Variants in SORCS2 observed in about 807,000 individuals in gnomAD.
The protein encoded by SORCS2 is VPS10 domain-containing receptor SorCS2.
A neutral mutation model predicts 141.6 loss-of-function variants in SORCS2; 100 were observed. The ratio of observed to expected loss-of-function variants is 0.71; its 90% CI spans 0.60 to 0.83. The LOEUF (loss-of-function observed/expected upper bound fraction) is 0.83, where lower values mean the gene tolerates loss of function less well. SORCS2 is among the 40% of genes least tolerant of loss of function. SORCS2 has a pLI of 0.00. For synonymous variants in SORCS2, 789 were observed against 676.9 expected (o/e 1.17, Z -2.57); for missense variants, 1,646 against 1,560.2 (o/e 1.05, Z -0.93).
chr4:7,197,404 G>T (rs904741713), intron 1 of SORCS2, among the ~76,000 whole-genome samples: 9 of 152,186 alleles, frequency 5.9e-5, no homozygotes, highest in Non-Finnish European at 1.3e-4. Flanking sequence ...CCTGAGTTTA[G>T]AAGTGGATCT....
intron 3 of SORCS2, among the ~76,000 whole-genome samples, chr4:7,555,319 G>A (rs941774441): frequency 6.6e-6 from 1 of 152,250 alleles, no homozygotes; most frequent in African/African-American, 2.4e-5. Flanking sequence ...AAAGCAGGCA[G>A]CATCCTGAGG....
At chr4:7,412,996 C>A (rs1329626029) in intron 2 of SORCS2, among the ~76,000 whole-genome samples, 4 of 152,266 alleles carry the variant, frequency 2.6e-5, no homozygotes, top group African/African-American at 9.6e-5. Context: ...GAATCCACAT[C>A]CACGAGGCAT....
intron 3 of SORCS2, among the ~76,000 whole-genome samples, chr4:7,585,780 G>A (rs187497576): frequency 3.3e-5 from 5 of 152,316 alleles, no homozygotes; most frequent in South Asian, 4.1e-4. Flanking sequence ...GGACGCATGT[G>A]GGGGAGCAGC....
chr4:7,445,055 C>T lies in SORCS2; in HGVS notation c.548+48700C>T, dbSNP rs1043933358. Among the ~76,000 whole-genome samples, 3 of 152,082 alleles carry T rather than the reference C, an allele frequency of 2.0e-5. No homozygotes were observed. The East Asian group carries it at 5.8e-4, about 29-fold the overall frequency. ...GGAGGGATATAGGACTGGACCATTG[C>T]TGCGGGTGGCAAGAGGGAGGGATTG... is the stretch of plus-strand genomic sequence containing the variant. On this transcript the variant is annotated intron_variant, in intron 2 of 26. Transcript: ENST00000507866.
chr4:7,610,656 G>A lies in SORCS2; in HGVS notation c.649-27672G>A, dbSNP rs148680365. On this transcript the variant is annotated intron_variant, in intron 3 of 26. Transcript: ENST00000507866. Reference sequence around the variant, plus strand: ...TGTGGAGGGGGCACATTCTGTGCTCGGTTTTTCTAGGCAGCAAATCTGTTG... The same window carrying A: ...TGTGGAGGGGGCACATTCTGTGCTCAGTTTTTCTAGGCAGCAAATCTGTTG... Among the ~76,000 whole-genome samples, 198 of 152,234 alleles carry A rather than the reference G, an allele frequency of 1.3e-3. No individual in the cohort carries two copies. In the South Asian group the frequency reaches 0.028, roughly 22 times the overall value.
At chr4:7,298,697 T>A (rs1025428398) in intron 1 of SORCS2, among the ~76,000 whole-genome samples, 3 of 152,014 alleles carry the variant, frequency 2.0e-5, no homozygotes, top group Non-Finnish European at 4.4e-5. Context: ...AAGCCAGCAC[T>A]CCCGCCGTAG....
intron 1 of SORCS2, among the ~76,000 whole-genome samples, chr4:7,279,411 G>A (rs553923178): frequency 6.6e-6 from 1 of 152,330 alleles, no homozygotes; most frequent in Admixed American, 6.5e-5. Flanking sequence ...TTGCTCAGGA[G>A]AGCCTTCCTG....
chr4:7,208,392 G>A lies in SORCS2; in HGVS notation c.480+15266G>A, dbSNP rs370866610. The stretch of plus-strand genomic sequence containing the variant: ...AGACTTTGGGGATTACTGGCAGGCA[G>A]GGGATTGGCGGGGAGGGAGGCAGGG... On this transcript the variant is annotated intron_variant, in intron 1 of 26. Transcript: ENST00000507866. Among the ~76,000 whole-genome samples the A allele has an allele frequency of 5.3e-4, 80 of 152,330 alleles. 2 individuals are homozygous for A. In the East Asian group the frequency reaches 0.014, roughly 28 times the overall value.
intron 2 of SORCS2, among the ~76,000 whole-genome samples, chr4:7,481,226 T>C (rs998481085): frequency 3.3e-5 from 5 of 152,262 alleles, no homozygotes; most frequent in African/African-American, 9.6e-5. Context: ...TCTGCGACCC[T>C]GAGAACAGGA....
intron 3 of SORCS2, among the ~76,000 whole-genome samples, chr4:7,633,359 T>C (rs1223996205): frequency 6.6e-6 from 1 of 152,184 alleles, no homozygotes; most frequent in Non-Finnish European, 1.5e-5. Context: ...TTTGGGGTCA[T>C]GCCGTCCTCT....
chr4:7,405,114 G>T (rs1362106921), intron 2 of SORCS2, among the ~76,000 whole-genome samples: 2 of 151,888 alleles, frequency 1.3e-5, no homozygotes, highest in Non-Finnish European at 2.9e-5. Context: ...AAGAGTGTGT[G>T]TTTTTCCTAA....
intron 1 of SORCS2, among the ~76,000 whole-genome samples, chr4:7,360,951 G>A (rs548777176): frequency 1.3e-5 from 2 of 151,904 alleles, no homozygotes; most frequent in African/African-American, 2.4e-5. Context: ...TGCTGGGTTC[G>A]CCCCTGCCTC....
intron 3 of SORCS2, among the ~76,000 whole-genome samples, chr4:7,553,455 G>T (rs1713872996): frequency 6.6e-6 from 1 of 152,214 alleles, no homozygotes; most frequent in Non-Finnish European, 1.5e-5. Flanking sequence ...TGCAGAAAAA[G>T]TCTGATCTCA....
At chr4:7,487,910 A>G (rs981299949) in intron 2 of SORCS2, among the ~76,000 whole-genome samples, 4 of 152,156 alleles carry the variant, frequency 2.6e-5, no homozygotes, top group Non-Finnish European at 4.4e-5. Context: ...TGTAGACATC[A>G]GGCATAGCCT....
rs537664702 is a variant in SORCS2, at chr4:7,395,726, G to A, written c.481-562G>A. Among the ~76,000 whole-genome samples, 6 of 152,296 alleles carry A rather than the reference G, an allele frequency of 3.9e-5. 1 individual carries two copies. The highest frequency in any genetic ancestry group is 4.1e-4 in the South Asian group (2 of 4,828). On this transcript the variant is annotated intron_variant, in intron 1 of 26. Transcript: ENST00000507866. ...TCAACAACAAGAAAAACGTGTGTGC[G>A]CCACAGAGGACTCCTGGGCCCCCAA... is the stretch of plus-strand genomic sequence containing the variant.
chr4:7,277,860 G>A (rs1318697967), intron 1 of SORCS2, among the ~76,000 whole-genome samples: 1 of 152,170 alleles, frequency 6.6e-6, no homozygotes, highest in Non-Finnish European at 1.5e-5. Context: ...ATGGTGGCTA[G>A]GAGTGCCTAG....
Position 7,543,667 on chromosome 4 carries a change from T to A in SORCS2, c.648+12038T>A, listed in dbSNP as rs558009261. 7.7e-3 allele frequency among the ~76,000 whole-genome samples: 859 copies of A among 110,930 alleles called. 2 individuals carry two copies. Among genetic ancestry groups the A allele is most frequent in the Non-Finnish European group, 0.012 (624 of 52,388 alleles). The allele number at this position is 110,930 out of a possible 152,430, so 72.8% of individuals were successfully genotyped here. A position where few individuals can be genotyped will look rare whatever the true frequency, so the allele number is the denominator to read the frequency against. The stretch of plus-strand genomic sequence containing the variant: ...ATCCGTCCATCCATCCACCCACCCA[T>A]CCATCCATCCACCCATCCACCCATC... On this transcript the variant is annotated intron_variant, in intron 3 of 26. Coordinates refer to ENST00000507866, the MANE Select transcript of SORCS2 (RefSeq NM_020777.3).
chr4:7,547,685 C>T lies in SORCS2; in HGVS notation c.648+16056C>T, dbSNP rs138666621. 9.6e-3 allele frequency among the ~76,000 whole-genome samples: 1,468 copies of T among 152,290 alleles called. 20 individuals carry two copies. The highest frequency in any genetic ancestry group is 0.033 in the African/African-American group (1,356 of 41,556). ...CTCCCAACCCCAGATCAGCTCAGGA[C>T]CCCAGTCACGGGATCTCTGCTCTTC... On this transcript the variant is annotated intron_variant, in intron 3 of 26. Transcript: ENST00000507866.
intron 8 of SORCS2, among the ~76,000 whole-genome samples, chr4:7,674,679 G>A (rs1279733027): frequency 6.6e-6 from 1 of 151,822 alleles, no homozygotes; most frequent in Non-Finnish European, 1.5e-5. Flanking sequence ...GAGGGGAAGG[G>A]GCCGGGCCTC....
Sources: allele counts gnomAD v4.1 joint callset (sites outside exome capture counted in the v4.1 genomes callset), GRCh38; gene constraint gnomAD v4.1.1; transcripts MANE v1.5; gene names NCBI Gene and HGNC (gene_info 2026-07-23, HGNC 2026-07-21).